The following SLC24A2 variants were observed in gnomAD, a reference collection of about 807,000 sequenced individuals.
SLC24A2 encodes the protein solute carrier family 24 member 2, also known as sodium/potassium/calcium exchanger 2.
Under a neutral mutation model 62.0 loss-of-function variants are expected in SLC24A2, and 36 were observed. That is an observed-to-expected ratio of 0.58 (90% CI 0.44 to 0.77). The LOEUF (loss-of-function observed/expected upper bound fraction) is 0.77. Ranked by LOEUF, SLC24A2 falls within the 30% of genes least tolerant of loss-of-function variation. SLC24A2 has a pLI of 0.00. For synonymous variants in SLC24A2, 358 were observed against 294.0 expected (o/e 1.22, Z -2.23); for missense variants, 846 against 817.9 (o/e 1.03, Z -0.42).
chr9:19,711,066 A>G (rs1820701142), intron 2 of SLC24A2, among the ~76,000 whole-genome samples: 1 of 152,210 alleles, frequency 6.6e-6, no homozygotes, highest in African/African-American at 2.4e-5. Context: ...CTAGAAGCAA[A>G]ATAACTGTGT....
the SLC24A2 span, among the ~76,000 whole-genome samples, chr9:19,893,784 C>A: frequency 6.6e-6 from 1 of 151,860 alleles, no homozygotes; most frequent in Non-Finnish European, 1.5e-5. Flanking sequence ...TTGTATTTTC[C>A]TCTCTCACGC....
At chr9:19,827,359 T>C in the SLC24A2 span, among the ~76,000 whole-genome samples, 2 of 152,270 alleles carry the variant, frequency 1.3e-5, no homozygotes, top group South Asian at 2.1e-4. Context: ...GTTAGAAACT[T>C]TGAGTTTGCA....
the SLC24A2 span, among the ~76,000 whole-genome samples, chr9:20,039,590 C>T: frequency 6.6e-6 from 1 of 152,056 alleles, no homozygotes; most frequent in Non-Finnish European, 1.5e-5. Context: ...AGCAAGTCCC[C>T]AGTTCCTGGG....
chr9:20,150,577 G>T, the SLC24A2 span, among the ~76,000 whole-genome samples: 31,472 of 151,462 alleles, frequency 0.21, 5,201 homozygotes, highest in African/African-American at 0.44. Flanking sequence ...TCAAACTCTT[G>T]GACTACAAAC....
chr9:20,296,132 C>T, the SLC24A2 span, among the ~76,000 whole-genome samples: 1 of 152,212 alleles, frequency 6.6e-6, no homozygotes, highest in Non-Finnish European at 1.5e-5. Flanking sequence ...CAGAAAATCA[C>T]CTAATTGCAA....
At chr9:19,787,354 T>G (rs1211539562) in intron 1 of SLC24A2, among the ~76,000 whole-genome samples, 3 of 152,156 alleles carry the variant, frequency 2.0e-5, no homozygotes, top group Admixed American at 6.5e-5. Context: ...CAGGTGAAAA[T>G]CTATCAGATT....
intron 2 of SLC24A2, among the ~76,000 whole-genome samples, chr9:19,760,582 G>T (rs2118848907): frequency 1.3e-5 from 2 of 151,604 alleles, no homozygotes. Context: ...TGTTCTCATT[G>T]TTCAACTCCC....
At position 19,636,271 on chromosome 9, in the gene SLC24A2, TTCTTCTCTTCTTC is replaced by T. The variant is rs1345068419; in HGVS notation, c.931-13985_931-13973del. ...CTAGGTGTCCTTTTCTTTTCTTCTC[TTCTTCTCTTCTTC>T]TCTTCTTTTCTTTTCTTTTCTTTTC... On this transcript the variant is annotated intron_variant, in intron 2 of 10. Transcript: ENST00000341998. Among the ~76,000 whole-genome samples, 120 of 32,884 alleles carry T rather than the reference TTCTTCTCTTCTTC, an allele frequency of 3.6e-3. 2 individuals carry two copies. Among genetic ancestry groups the T allele is most frequent in the African/African-American group, 0.012 (113 of 9,196 alleles). The allele number at this position is 32,884 out of a possible 152,430, so 21.6% of individuals were successfully genotyped here.
the SLC24A2 span, among the ~76,000 whole-genome samples, chr9:19,983,472 G>A: frequency 4.7e-4 from 72 of 151,936 alleles, 1 homozygote; most frequent in Non-Finnish European, 5.3e-4. Flanking sequence ...GTGAAACCCC[G>A]TCTCTACTAA....
chr9:20,134,785 A>G, the SLC24A2 span, among the ~76,000 whole-genome samples: 1 of 152,186 alleles, frequency 6.6e-6, no homozygotes, highest in Non-Finnish European at 1.5e-5. Context: ...GATCACATAT[A>G]TTCAAGTGAC....
intron 2 of SLC24A2, among the ~76,000 whole-genome samples, chr9:19,702,258 T>C (rs992539504): frequency 1.4e-4 from 21 of 152,230 alleles, no homozygotes; most frequent in Admixed American, 1.4e-3. Flanking sequence ...CTCTGTACAC[T>C]TGGTGCTCCT....
At chr9:19,880,484 C>CT in the SLC24A2 span, among the ~76,000 whole-genome samples, 1 of 152,152 alleles carries the variant, frequency 6.6e-6, no homozygotes, top group Admixed American at 6.5e-5. Context: ...AGTGGGGCTG[C>CT]TTTTTCTTAG....
intron 2 of SLC24A2, among the ~76,000 whole-genome samples, chr9:19,767,285 C>T (rs767447858): frequency 9.9e-4 from 150 of 152,188 alleles, no homozygotes; most frequent in Non-Finnish European, 1.9e-3. Flanking sequence ...CTTCAGCCCC[C>T]TTTTCAGGGG....
chr9:20,297,537 C>T, the SLC24A2 span, among the ~76,000 whole-genome samples: 5 of 152,336 alleles, frequency 3.3e-5, no homozygotes, highest in Admixed American at 2.0e-4. Flanking sequence ...TGATTAGTCA[C>T]TGGCCAGATG....
rs1034786230 is a variant in SLC24A2, at chr9:19,510,826, C to G, written c.*5327G>C. 6.6e-6 allele frequency: 1 copy of G among 152,238 alleles called. No homozygotes were observed. Among genetic ancestry groups the G allele is most frequent in the South Asian group, 2.1e-4 (1 of 4,830 alleles). The allele number at this position is 152,238 out of a possible 1,614,324, so 9.4% of individuals were successfully genotyped here. A position where few individuals can be genotyped will look rare whatever the true frequency, so the allele number is the denominator to read the frequency against. The stretch of plus-strand genomic sequence containing the variant: ...GCTAATTTGAAAACAGTTGCCTAGC[C>G]TGTCGTAATTGCAGGGTCATTTTTG... On this transcript the variant is annotated 3_prime_UTR_variant, in exon 11 of 11. Coordinates refer to ENST00000341998, the MANE Select transcript of SLC24A2 (RefSeq NM_020344.4).
the SLC24A2 span, among the ~76,000 whole-genome samples, chr9:20,300,075 G>A: frequency 1.3e-5 from 2 of 152,232 alleles, no homozygotes; most frequent in Non-Finnish European, 2.9e-5. Flanking sequence ...AAATGCATAT[G>A]TAAATACACA....
chr9:19,789,682 A>G (rs62546432), upstream of SLC24A2, among the ~76,000 whole-genome samples: 40,441 of 152,100 alleles, frequency 0.27, 6,155 homozygotes, highest in East Asian at 0.58. Flanking sequence ...CCCCTTGACC[A>G]CAAGAAATAG....
the SLC24A2 span, among the ~76,000 whole-genome samples, chr9:20,228,377 G>A: frequency 6.6e-6 from 1 of 152,022 alleles, no homozygotes; most frequent in Non-Finnish European, 1.5e-5. Context: ...GTCACAGACT[G>A]TCAGCTCCCA....
At chr9:19,902,914 C>T in the SLC24A2 span, among the ~76,000 whole-genome samples, 5 of 152,148 alleles carry the variant, frequency 3.3e-5, no homozygotes, top group Admixed American at 6.6e-5. Flanking sequence ...ATCACGTTCC[C>T]TTGCAGTCTT....
Sources: gnomAD v4.1 joint callset for allele counts (sites outside exome capture counted in the v4.1 genomes callset) on GRCh38, gnomAD v4.1.1 for gene constraint, MANE v1.5 for transcripts, NCBI Gene and HGNC (gene_info 2026-07-23, HGNC 2026-07-21) for gene names.